The following UBXN4 variants were observed in gnomAD, a reference collection of about 807,000 sequenced individuals.
The protein encoded by UBXN4 is UBX domain-containing protein 4.
UBXN4 carries 35 observed loss-of-function variants against 66.2 expected under a neutral mutation model. The ratio of observed to expected loss-of-function variants is 0.53; its 90% confidence interval spans 0.40 to 0.70. The LOEUF (loss-of-function observed/expected upper bound fraction) is 0.70. Ranked by LOEUF, UBXN4 falls within the 30% of genes least tolerant of loss-of-function variation. The pLI, the probability that UBXN4 is intolerant of heterozygous loss-of-function variation, is 0.00. For synonymous variants in UBXN4, 203 were observed against 204.5 expected (o/e 0.99, Z 0.06); for missense variants, 533 against 599.8 (o/e 0.89, Z 1.16).
intron 6 of UBXN4, among the ~76,000 whole-genome samples, chr2:135,768,970 G>A (rs1392257422): frequency 1.3e-5 from 2 of 152,052 alleles, no homozygotes; most frequent in African/African-American, 4.8e-5. Flanking sequence ...CTGCAGTGCT[G>A]AGATTACACA....
Position 135,782,966 on chromosome 2 carries a change from A to T in UBXN4, c.*79A>T. 1 of 1,464,122 alleles carries T rather than the reference A, an allele frequency of 6.8e-7. No individual in the cohort carries two copies. Among genetic ancestry groups the T allele is most frequent in the Non-Finnish European group, 9.3e-7 (1 of 1,076,458 alleles). 90.7% of individuals were successfully genotyped at this position (1,464,122 alleles called of 1,614,324 possible). A position where few individuals can be genotyped will look rare whatever the true frequency, so the allele number is the denominator to read the frequency against. On this transcript the variant is annotated 3_prime_UTR_variant, in exon 13 of 13. Transcript: ENST00000272638. ...ACTAAAATTCTACTGGAGAAGTGGG[A>T]CTGCTTTATATTTTCCAACTGGTCT...
rs182767495 is a variant in UBXN4, at chr2:135,769,237, A to C, written c.603-532A>C. Among the ~76,000 whole-genome samples the C allele has an allele frequency of 1.7e-3, 265 of 151,504 alleles. 3 individuals are homozygous for C. Among genetic ancestry groups the C allele is most frequent in the African/African-American group, 6.2e-3 (256 of 41,310 alleles). On this transcript the variant is annotated intron_variant, in intron 6 of 12. Coordinates refer to ENST00000272638, the MANE Select transcript of UBXN4 (RefSeq NM_014607.4). Reference sequence around the variant, plus strand: ...AGCTGGTCTTTAGCTCAAGAGATCCACCAACCTCAGCCCTCCCAAAGTGCT... The same window carrying C: ...AGCTGGTCTTTAGCTCAAGAGATCCCCCAACCTCAGCCCTCCCAAAGTGCT...
At chr2:135,768,572 T>A (rs2077361554) in intron 6 of UBXN4, among the ~76,000 whole-genome samples, 2 of 150,196 alleles carry the variant, frequency 1.3e-5, no homozygotes, top group Admixed American at 1.3e-4. Context: ...TATATTATTA[T>A]TTTTTTTTCC....
intron 6 of UBXN4, among the ~76,000 whole-genome samples, chr2:135,765,002 CAG>C (rs565785551): frequency 2.6e-4 from 39 of 152,046 alleles, no homozygotes; most frequent in East Asian, 1.2e-3. Flanking sequence ...TTAGTAGAGA[CAG>C]GGGTTTGCCA....
intron 9 of UBXN4, among the ~76,000 whole-genome samples, chr2:135,773,727 C>G (rs2077397044): frequency 1.3e-5 from 2 of 152,070 alleles, no homozygotes. Flanking sequence ...TTCTCTGTGC[C>G]TTTTCATATT....
rs2077472730 is a variant in UBXN4, at chr2:135,784,746, CCT to C, written c.*1861_*1862del. 6.6e-6 allele frequency: 1 copy of C among 152,548 alleles called. No individual in the cohort carries two copies. Among genetic ancestry groups the C allele is most frequent in the Non-Finnish European group, 1.5e-5 (1 of 68,020 alleles). 9.4% of individuals were successfully genotyped at this position (152,548 alleles called of 1,614,324 possible). On this transcript the variant is annotated 3_prime_UTR_variant, in exon 13 of 13. Coordinates refer to ENST00000272638, the MANE Select transcript of UBXN4 (RefSeq NM_014607.4). ...GAAATACATTTAAAAACATCGAGTA[CCT>C]CAAGTCAGTTTGCCTTGAAAAATAT... is the stretch of plus-strand genomic sequence containing the variant.
At chr2:135,763,366 T>C (rs2077327630) in intron 6 of UBXN4, among the ~76,000 whole-genome samples, 1 of 152,188 alleles carries the variant, frequency 6.6e-6, no homozygotes, top group Non-Finnish European at 1.5e-5. Flanking sequence ...CTCTCTGAAC[T>C]GAAGTGCTTT....
At chr2:135,776,436 A>G (rs778305189) in intron 10 of UBXN4, 85 bp downstream of exon 10, 32 of 1,171,850 alleles carry the variant, frequency 2.7e-5, no homozygotes, top group Non-Finnish European at 3.8e-5. Flanking sequence ...CAGAAGTTGA[A>G]TGTGAGTGAA....
intron 1 of UBXN4, among the ~76,000 whole-genome samples, chr2:135,746,862 A>G (rs1356519606): frequency 6.6e-6 from 1 of 151,330 alleles, no homozygotes; most frequent in Non-Finnish European, 1.5e-5. Context: ...TGTGTGATCT[A>G]AGCAGAGGGT....
At chr2:135,763,816 A>T (rs192800163) in intron 6 of UBXN4, among the ~76,000 whole-genome samples, 1 of 151,522 alleles carries the variant, frequency 6.6e-6, no homozygotes, top group African/African-American at 2.4e-5. Context: ...ACAGAGCAAG[A>T]CTCTGTCTCA....
chr2:135,752,204 C>T (rs1461222212), intron 2 of UBXN4, among the ~76,000 whole-genome samples: 1 of 152,094 alleles, frequency 6.6e-6, no homozygotes, highest in Non-Finnish European at 1.5e-5. Flanking sequence ...CACACCACCA[C>T]ACCCAGCTAA....
At chr2:135,744,710 G>A (rs927493963) in intron 1 of UBXN4, among the ~76,000 whole-genome samples, 16 of 152,054 alleles carry the variant, frequency 1.1e-4, no homozygotes, top group Non-Finnish European at 2.9e-5. Context: ...AAGTGCCTTC[G>A]CTTAGGATAC....
intron 1 of UBXN4, 47 bp downstream of exon 1, chr2:135,742,058 C>G (rs1377395983): frequency 1.3e-6 from 2 of 1,597,482 alleles, no homozygotes; most frequent in South Asian, 2.2e-5. Context: ...CCCCTCCGGC[C>G]TACCTTCATC....
Position 135,755,538 on chromosome 2 carries a change from A to G in UBXN4, c.355A>G (p.Thr119Ala). 1 of 1,589,688 alleles carries G rather than the reference A, an allele frequency of 6.3e-7. No homozygotes were observed. The change falls in exon 5 of 13, where the codon ACA (threonine) becomes GCA (alanine). Residue 119 changes from threonine (T) to alanine (A), a missense_variant. Physicochemically the swap from Thr to Ala is moderately conservative, Grantham distance 58 (BLOSUM62 0). Transcript: ENST00000272638. ...VRQMHLLKSETSVANGSQSES... is the reference protein window; with the variant it reads ...VRQMHLLKSEASVANGSQSES... Reference sequence around the variant, plus strand: ...CTAGATGCATTTGCTAAAAAGTGAAACATCAGTAGCAAATGGCAGTCAGTC... The same window carrying G: ...CTAGATGCATTTGCTAAAAAGTGAAGCATCAGTAGCAAATGGCAGTCAGTC...
intron 5 of UBXN4, among the ~76,000 whole-genome samples, chr2:135,759,050 G>A (rs1415055801): frequency 3.3e-5 from 5 of 152,140 alleles, no homozygotes; most frequent in African/African-American, 9.7e-5. Context: ...AAGCCACTGC[G>A]CCCAGCCAAA....
intron 7 of UBXN4, among the ~76,000 whole-genome samples, chr2:135,770,226 G>A (rs1236466154): frequency 6.6e-6 from 1 of 152,132 alleles, no homozygotes; most frequent in Non-Finnish European, 1.5e-5. Flanking sequence ...ACCTAACTGT[G>A]TAGCATGTCT....
At chr2:135,756,220 T>TTTGGTGTAATATAGCTTTGTA (rs2077278023) in intron 5 of UBXN4, among the ~76,000 whole-genome samples, 1 of 152,120 alleles carries the variant, frequency 6.6e-6, no homozygotes, top group Non-Finnish European at 1.5e-5. Context: ...GTTGGAGTTG[T>TTTGGTGTAATATAGCTTTGTA]TTGGTGTAAT....
At chr2:135,751,226 G>T (rs955772252) in intron 2 of UBXN4, among the ~76,000 whole-genome samples, 1 of 149,578 alleles carries the variant, frequency 6.7e-6, no homozygotes, top group African/African-American at 2.5e-5. Flanking sequence ...TCGCTCTGTA[G>T]CCCAGGCTGG....
chr2:135,772,326 A>AT, intron 8 of UBXN4, 94 bp from the exon 9 acceptor site: 1 of 1,436,140 alleles, frequency 7.0e-7, no homozygotes, highest in South Asian at 1.3e-5. Flanking sequence ...CTGTCTCTTA[A>AT]TAAAAAAAAA....
Sources: allele counts gnomAD v4.1 joint callset (sites outside exome capture counted in the v4.1 genomes callset), GRCh38; gene constraint gnomAD v4.1.1; transcripts MANE v1.5; gene names NCBI Gene and HGNC (gene_info 2026-07-23, HGNC 2026-07-21).